The following ACSF2 variants were observed in gnomAD, a reference collection of about 807,000 sequenced individuals.
ACSF2 encodes the protein medium-chain acyl-CoA ligase ACSF2, mitochondrial.
ACSF2 carries 52 observed loss-of-function variants against 79.3 expected under a neutral mutation model. That is an observed-to-expected ratio of 0.66 (90% CI 0.53 to 0.83). The LOEUF is 0.83. Among genes scored for constraint, ACSF2 ranks in the 40% least tolerant of loss-of-function variants. ACSF2 has a pLI of 0.00. For synonymous variants in ACSF2, 283 were observed against 312.6 expected (o/e 0.91, Z 1.00); for missense variants, 661 against 803.3 (o/e 0.82, Z 2.14).
At chr17:50,430,337 A>G (rs760358943) in intron 1 of ACSF2, among the ~76,000 whole-genome samples, 1 of 152,218 alleles carries the variant, frequency 6.6e-6, no homozygotes, top group Non-Finnish European at 1.5e-5. Context: ...TGCCCTGATT[A>G]TATGATCTGA....
chr17:50,436,039 A>C (rs1391318822), intron 1 of ACSF2, among the ~76,000 whole-genome samples: 2 of 152,000 alleles, frequency 1.3e-5, no homozygotes, highest in African/African-American at 4.8e-5. Flanking sequence ...TTTTACACTT[A>C]AGTCTGATTC....
At chr17:50,440,004 A>T (rs1213078276) in intron 1 of ACSF2, among the ~76,000 whole-genome samples, 1 of 152,168 alleles carries the variant, frequency 6.6e-6, no homozygotes, top group Non-Finnish European at 1.5e-5. Flanking sequence ...GTTTTTTAAA[A>T]CACAGGCTAA....
Position 50,474,402 on chromosome 17 carries a change from T to C in ACSF2, c.1798-100T>C. On this transcript the variant is annotated intron_variant, in intron 15 of 15. Transcript: ENST00000300441. This position sits in a 1 kb window ranked among gnomAD's most constrained non-coding sequence, Gnocchi z 4.2. ...CCGGGTCACCTAATCCTGGTTTGCC[T>C]GGGGACTTTCCCTGTTTTGGCACTA... The C allele has an allele frequency of 6.6e-7, 1 of 1,517,566 alleles. No homozygotes were observed. The highest frequency in any genetic ancestry group is 1.7e-5 in the Admixed American group (1 of 58,852). The allele number at this position is 1,517,566 out of a possible 1,614,324, so 94.0% of individuals were successfully genotyped here. A position where few individuals can be genotyped will look rare whatever the true frequency, so the allele number is the denominator to read the frequency against.
chr17:50,444,636 A>AACACACAC lies in ACSF2; in HGVS notation c.129-16016_129-16009dup, dbSNP rs72392656. Among the ~76,000 whole-genome samples the AACACACAC allele has an allele frequency of 2.8e-3, 409 of 148,072 alleles. 2 individuals are homozygous for AACACACAC. The highest frequency in any genetic ancestry group is 0.013 in the South Asian group (58 of 4,610). On this transcript the variant is annotated intron_variant, in intron 1 of 15. Transcript: ENST00000300441. Reference sequence around the variant, plus strand: ...CAGCCCCCGAGTTTCTCTCTCTGCAAACACACACACACACACACACACACA... The same window carrying AACACACAC: ...CAGCCCCCGAGTTTCTCTCTCTGCAAACACACACACACACACACACACACACACACACA...
chr17:50,473,151 C>CA, intron 12 of ACSF2: 1 of 156,750 alleles, frequency 6.4e-6, no homozygotes, highest in South Asian at 1.9e-4. Context: ...CCCAGCTACT[C>CA]GGAGGCTGAG....
intron 1 of ACSF2, among the ~76,000 whole-genome samples, chr17:50,428,278 G>A (rs1438857317): frequency 6.6e-6 from 1 of 152,144 alleles, no homozygotes; most frequent in Non-Finnish European, 1.5e-5. Context: ...TTGAAGTCAG[G>A]AGACCGGTTT....
At chr17:50,445,594 A>G (rs1317431477) in intron 1 of ACSF2, among the ~76,000 whole-genome samples, 1 of 152,166 alleles carries the variant, frequency 6.6e-6, no homozygotes, top group Non-Finnish European at 1.5e-5. Flanking sequence ...CAGGAGGTCA[A>G]GACTAGCCTG....
chr17:50,465,848 C>T, intron 10 of ACSF2: 1 of 1,613,802 alleles, frequency 6.2e-7, no homozygotes, highest in Non-Finnish European at 8.5e-7. Context: ...CGTGGTTACA[C>T]CCAGGAAGGC....
rs542333574 is a variant in ACSF2 at position 50,454,476 on chromosome 17, G to A, written c.129-6201G>A. ...GGTAGCTCCTGCTGTCCAGGCGTCA[G>A]GCTCCTCTCTTGTTGCTCTGTGGTG... On this transcript the variant is annotated intron_variant, in intron 1 of 15. Coordinates refer to ENST00000300441, the MANE Select transcript of ACSF2 (RefSeq NM_025149.6). Among the ~76,000 whole-genome samples the A allele has an allele frequency of 2.6e-5, 4 of 152,260 alleles. No homozygotes were observed. The South Asian group carries it at 8.3e-4, about 32-fold the overall frequency.
chr17:50,461,001 G>T (rs563110320), intron 2 of ACSF2, 129 bp downstream of exon 2: 285 of 1,210,746 alleles, frequency 2.4e-4, no homozygotes, highest in Non-Finnish European at 3.1e-4. Context: ...AACCCCGAGG[G>T]ATGGCAGGAG....
intron 1 of ACSF2, among the ~76,000 whole-genome samples, chr17:50,455,570 G>C (rs2031941437): frequency 6.6e-6 from 1 of 152,150 alleles, no homozygotes; most frequent in African/African-American, 2.4e-5. Context: ...CAGCCCCATG[G>C]GGTTGACTGC....
chr17:50,462,584 C>T lies in ACSF2; in HGVS notation c.791C>T (p.Ser264Leu), dbSNP rs779662472. 4.3e-6 allele frequency: 7 copies of T among 1,612,458 alleles called. No individual in the cohort carries two copies. The highest frequency in any genetic ancestry group is 5.1e-6 in the Non-Finnish European group (6 of 1,178,778). Residue 264 changes from serine (S) to leucine (L), a missense_variant and splice_region_variant, in exon 6 of 16, where the codon TCG becomes TTG. Transcript: ENST00000300441. ...GACCCCATCAACATCCAGTTCACCTCGGTAGGGCAGAGGTCTCCAGGCCCC... is the reference window on the plus strand; with the variant it reads ...GACCCCATCAACATCCAGTTCACCTTGGTAGGGCAGAGGTCTCCAGGCCCC... ...CHDPINIQFT[S>L]GTTGSPKGAT... is the part of the protein sequence containing the mutation.
chr17:50,460,954 C>A, intron 2 of ACSF2, 82 bp downstream of exon 2: 1 of 1,465,674 alleles, frequency 6.8e-7, no homozygotes, highest in Non-Finnish European at 9.2e-7. Context: ...GGAGCGTGGG[C>A]ACCTGGCTAT....
rs2033247985 is a variant in ACSF2 at position 50,474,267 on chromosome 17, G to GGT, written c.1797+5_1797+6dup. On this transcript the variant is annotated frameshift_variant and splice_region_variant. Coordinates refer to ENST00000300441, the MANE Select transcript of ACSF2 (RefSeq NM_025149.6). LOFTEE classifies it high-confidence loss of function. The surrounding 1 kb of genome is among the most constrained non-coding windows in gnomAD (Gnocchi z 4.2). Reference sequence around the variant, plus strand: ...ACTACCCCCTCACCATTTCAGGAAAGGTGTGTAAGGTGGAGGAGGCTGGGG... The same window carrying GGT: ...ACTACCCCCTCACCATTTCAGGAAAGGTGTGTGTAAGGTGGAGGAGGCTGGGG... 6.2e-7 allele frequency: 1 copy of GGT among 1,614,254 alleles called. No individual in the cohort carries two copies. The highest frequency in any genetic ancestry group is 1.3e-5 in the African/African-American group (1 of 75,066).
intron 9 of ACSF2, 100 bp downstream of exon 9, chr17:50,464,009 G>A: frequency 2.6e-6 from 3 of 1,164,494 alleles, no homozygotes; most frequent in Non-Finnish European, 3.8e-6. Flanking sequence ...TTTATATAGG[G>A]GGCAAGAAGG....
intron 13 of ACSF2, 36 bp downstream of exon 13, chr17:50,473,842 A>G: frequency 2.5e-6 from 4 of 1,613,442 alleles, no homozygotes; most frequent in Non-Finnish European, 3.4e-6. Flanking sequence ...CCCAGAAACA[A>G]GAAACACACA....
Position 50,444,214 on chromosome 17 carries a change from T to C in ACSF2, c.129-16463T>C, listed in dbSNP as rs192545071. 2.5e-3 allele frequency among the ~76,000 whole-genome samples: 386 copies of C among 152,278 alleles called. 2 individuals carry two copies. Among genetic ancestry groups the C allele is most frequent in the African/African-American group, 8.9e-3 (369 of 41,564 alleles). ...TGGAATAGCAGCTTTTTGGCCCCGG[T>C]GGTGTAATAATCTAGATAAGTGATC... On this transcript the variant is annotated intron_variant, in intron 1 of 15. Coordinates refer to ENST00000300441, the MANE Select transcript of ACSF2 (RefSeq NM_025149.6).
chr17:50,472,099 TCTC>T (rs1340950645), intron 11 of ACSF2: 8 of 283,142 alleles, frequency 2.8e-5, no homozygotes, highest in Non-Finnish European at 5.3e-5. Flanking sequence ...GAGACTCCCT[TCTC>T]CTCTGCACGG....
chr17:50,428,609 C>T (rs1915236123), intron 1 of ACSF2, among the ~76,000 whole-genome samples: 1 of 151,708 alleles, frequency 6.6e-6, no homozygotes, highest in South Asian at 2.1e-4. Context: ...ATGGAGAAAC[C>T]CCATCTCTAC....
Sources: allele counts gnomAD v4.1 joint callset (sites outside exome capture counted in the v4.1 genomes callset), GRCh38; gene constraint gnomAD v4.1.1; non-coding constraint Gnocchi (gnomAD v3.1); transcripts MANE v1.5; gene names NCBI Gene and HGNC (gene_info 2026-07-23, HGNC 2026-07-21).